Variants in DLG5 observed in about 807,000 individuals in gnomAD.
DLG5 encodes the protein discs large MAGUK scaffold protein 5.
DLG5 carries 48 observed loss-of-function variants against 189.8 expected under a neutral mutation model. The ratio of observed to expected loss-of-function variants is 0.25; its 90% confidence interval spans 0.20 to 0.32. The LOEUF (loss-of-function observed/expected upper bound fraction) is 0.32, where lower values mean the gene tolerates loss of function less well. Ranked by LOEUF, DLG5 falls within the 10% of genes least tolerant of loss-of-function variation. DLG5 has a pLI of 1.00. For missense variants in DLG5, 2,160 were observed against 2,544.7 expected (o/e 0.85, Z 3.25); for synonymous variants, 1,016 against 1,054.1 (o/e 0.96, Z 0.70).
chr10:77,893,539 G>A (rs1845671738), intron 1 of DLG5, among the ~76,000 whole-genome samples: 3 of 152,314 alleles, frequency 2.0e-5, no homozygotes, highest in Admixed American at 6.5e-5. Context: ...AGGAGTCCCT[G>A]CCCGCCCCAG....
rs749429394 is a variant in DLG5, at chr10:77,792,486, T to C, written c.5714A>G (p.Asn1905Ser). The C allele has an allele frequency of 2.5e-6, 4 of 1,614,112 alleles. No homozygotes were observed. Among genetic ancestry groups the C allele is most frequent in the African/African-American group, 1.3e-5 (1 of 74,930 alleles). The change falls in exon 32 of 32, where the codon AAT (asparagine) becomes AGT (serine). Residue 1905 changes from asparagine (N) to serine (S), a missense_variant. Transcript: ENST00000372391. Reference protein sequence around the residue: ...SICTQILAMVNQEQNKVLWIP... With the variant: ...SICTQILAMVSQEQNKVLWIP... ...CCACAGGACTTTATTTTGTTCTTGATTGACCATTGCCAAGATCTGAGTGCA... is the reference window on the plus strand; with the variant it reads ...CCACAGGACTTTATTTTGTTCTTGACTGACCATTGCCAAGATCTGAGTGCA...
At chr10:77,864,107 G>A (rs1243729766) in intron 2 of DLG5, among the ~76,000 whole-genome samples, 1 of 152,130 alleles carries the variant, frequency 6.6e-6, no homozygotes, top group African/African-American at 2.4e-5. Context: ...AGTTGCCCTG[G>A]CTGCTATGGT....
intron 1 of DLG5, among the ~76,000 whole-genome samples, chr10:77,879,633 C>A (rs1365503269): frequency 6.6e-6 from 1 of 151,414 alleles, no homozygotes; most frequent in African/African-American, 2.4e-5. Flanking sequence ...TATTTTGGAG[C>A]TTTTCTTTCT....
intron 5 of DLG5, 122 bp downstream of exon 5, chr10:77,853,232 C>T (rs1410394896): frequency 7.6e-6 from 7 of 915,682 alleles, no homozygotes; most frequent in Middle Eastern, 2.7e-4. Flanking sequence ...TCTTCCAAAG[C>T]GCTGGGATCA....
intron 5 of DLG5, among the ~76,000 whole-genome samples, chr10:77,851,046 GT>G (rs773713812): frequency 2.6e-5 from 4 of 152,214 alleles, no homozygotes; most frequent in Non-Finnish European, 5.9e-5. Context: ...CAGGGTGTAG[GT>G]AAAGGCCGGG....
chr10:77,934,565 A>G, the DLG5 span, among the ~76,000 whole-genome samples: 4 of 152,106 alleles, frequency 2.6e-5, no homozygotes, highest in South Asian at 2.1e-4. Flanking sequence ...ACTGGTCACT[A>G]TTGGCTCTGA....
In DLG5 at chr10:77,830,280, G is replaced by A. The variant is rs568628743; in HGVS notation, c.1946C>T (p.Pro649Leu). Residue 649 changes from proline to leucine, a missense_variant, in exon 11 of 32, where the codon CCG becomes CTG. By Grantham distance (98) the Pro-to-Leu change is moderately conservative. This residue lies in a region of DLG5 where 107 missense variants were observed against 214.5 expected (regional missense o/e 0.50). Transcript: ENST00000372391. ...MAEGVNEPCF[P>L]GDCGIFVTKV... The stretch of plus-strand genomic sequence containing the variant: ...AGTGACAAATATGCCACAGTCCCCC[G>A]GGAAACAAGGCTCATTCACACCTTC... 33 of 1,614,026 alleles carry A rather than the reference G, an allele frequency of 2.0e-5. No homozygotes were observed. Among genetic ancestry groups the A allele is most frequent in the Admixed American group, 1.8e-4 (11 of 60,002 alleles).
At chr10:77,877,173 A>T (rs1197247394) in intron 1 of DLG5, among the ~76,000 whole-genome samples, 1 of 152,152 alleles carries the variant, frequency 6.6e-6, no homozygotes, top group Non-Finnish European at 1.5e-5. Flanking sequence ...TCCCCACCCA[A>T]AATGCCCCAA....
intron 27 of DLG5, among the ~76,000 whole-genome samples, chr10:77,801,521 A>G (rs749742272): frequency 6.6e-6 from 1 of 152,234 alleles, no homozygotes; most frequent in Non-Finnish European, 1.5e-5. Flanking sequence ...CACAGAAGCA[A>G]TATGAAAGAA....
Position 77,821,126 on chromosome 10 carries a change from G to C in DLG5, c.3358C>G (p.Arg1120Gly), listed in dbSNP as rs143605373. The change falls in exon 15 of 32, where the codon CGG (arginine) becomes GGG (glycine). Residue 1120 changes from arginine to glycine, a missense_variant. Physicochemically the swap from Arg to Gly is moderately radical, Grantham distance 125 (BLOSUM62 -2). This residue lies in a region of DLG5 where 754 missense variants were observed against 746.5 expected (regional missense o/e 1.01). Transcript: ENST00000372391. ...RRRPKSAPSF[R>G]PKLAPVVIPA... The stretch of plus-strand genomic sequence containing the variant: ...ATCACTACTGGAGCAAGCTTCGGCC[G>C]AAAACTGGGAGCAGATTTTGGCCGG... The C allele has an allele frequency of 4.3e-6, 7 of 1,613,926 alleles. No homozygotes were observed. The highest frequency in any genetic ancestry group is 3.4e-6 in the Non-Finnish European group (4 of 1,180,032).
intron 1 of DLG5, among the ~76,000 whole-genome samples, chr10:77,891,579 C>A (rs903761484): frequency 1.2e-5 from 1 of 80,156 alleles, no homozygotes; most frequent in Non-Finnish European, 2.8e-5. Flanking sequence ...AACAGACACA[C>A]ACACACACAC....
intron 22 of DLG5, 78 bp from the exon 23 acceptor site, chr10:77,811,312 C>T: frequency 6.5e-7 from 1 of 1,536,538 alleles, no homozygotes; most frequent in South Asian, 1.2e-5. Flanking sequence ...GCAACTAGAT[C>T]TGAGCTATAA....
At chr10:77,859,233 AT>A (rs777146475) in intron 2 of DLG5, among the ~76,000 whole-genome samples, 8 of 152,258 alleles carry the variant, frequency 5.3e-5, no homozygotes, top group East Asian at 1.9e-4. Flanking sequence ...AGTTAAAAAA[AT>A]ATAAAGTTTA....
At chr10:77,903,843 C>G (rs765277437) in intron 1 of DLG5, among the ~76,000 whole-genome samples, 2 of 152,174 alleles carry the variant, frequency 1.3e-5, no homozygotes, top group Admixed American at 1.3e-4. Flanking sequence ...CAGCATCAGA[C>G]CTAAAACTTG....
At position 77,806,898 on chromosome 10, in the gene DLG5, C is replaced by T. The variant is rs371434189; in HGVS notation, c.4827G>A (p.Glu1609=). The T allele has an allele frequency of 5.0e-6, 8 of 1,613,700 alleles. No homozygotes were observed. In the African/African-American group the frequency reaches 1.1e-4, roughly 22 times the overall value. The change falls in exon 26 of 32, where the codon GAG becomes GAA. Residue 1609 remains glutamate (E), a synonymous_variant. Transcript: ENST00000372391. ...RALYDRLADV[E]QELSFKKDDI... ...CGTCCTTCTTAAAGCTCAACTCTTG[C>T]TCCACATCTGCCAGCCGGTCGTACA...
rs138228867 is a variant in DLG5, at chr10:77,841,911, C to T, written c.1407G>A (p.Ala469=). 2.3e-5 allele frequency: 37 copies of T among 1,610,798 alleles called. No individual in the cohort carries two copies. In the African/African-American group the frequency reaches 2.9e-4, roughly 13 times the overall value. Reference sequence around the variant, plus strand: ...GCAGCGCCTCCATCTCCTCATTGGCCGCCTTCTTCTCAGATGTGCTGCTCT... The same window carrying T: ...GCAGCGCCTCCATCTCCTCATTGGCTGCCTTCTTCTCAGATGTGCTGCTCT... ...KLKSSTSEKK[A]ANEEMEALRQ... is the part of the protein sequence containing the mutation. Residue 469 remains alanine (A), a synonymous_variant, in exon 7 of 32, where the codon GCG becomes GCA. Coordinates refer to ENST00000372391, the MANE Select transcript of DLG5 (RefSeq NM_004747.4).
intron 2 of DLG5, chr10:77,868,197 A>G (rs894400615): frequency 2.3e-6 from 1 of 434,230 alleles, no homozygotes; most frequent in Admixed American, 2.4e-5. Context: ...TAGCAGCCCT[A>G]GAAAACTAAG....
intron 17 of DLG5, among the ~76,000 whole-genome samples, chr10:77,818,396 G>A (rs1056467985): frequency 9.2e-5 from 14 of 152,210 alleles, no homozygotes; most frequent in African/African-American, 2.4e-4. Flanking sequence ...GTAATGAGGT[G>A]ACATCTCTTC....
At chr10:77,872,892 C>T (rs763305070) in intron 1 of DLG5, among the ~76,000 whole-genome samples, 1 of 152,018 alleles carries the variant, frequency 6.6e-6, no homozygotes, top group Non-Finnish European at 1.5e-5. Context: ...CTGAAGGCAC[C>T]TCCACCCAAC....
Sources: allele counts gnomAD v4.1 joint callset (sites outside exome capture counted in the v4.1 genomes callset), GRCh38; gene constraint gnomAD v4.1.1; regional missense constraint gnomAD v4.1.1; transcripts MANE v1.5; gene names NCBI Gene and HGNC (gene_info 2026-07-23, HGNC 2026-07-21).